The following NDUFAF2 variants were observed in gnomAD, a reference collection of about 807,000 sequenced individuals.
NDUFAF2 encodes NADH dehydrogenase [ubiquinone] 1 alpha subcomplex assembly factor 2.
NDUFAF2 carries 13 observed loss-of-function variants against 22.8 expected under a neutral mutation model. The observed-to-expected ratio is 0.57, with a 90% confidence interval of 0.37 to 0.91. The LOEUF (loss-of-function observed/expected upper bound fraction) is 0.91, where lower values mean the gene tolerates loss of function less well. Among genes scored for constraint, NDUFAF2 ranks in the 40% least tolerant of loss-of-function variants. NDUFAF2 has a pLI of 0.01. For synonymous variants in NDUFAF2, 53 were observed against 64.2 expected (o/e 0.83, Z 0.84); for missense variants, 162 against 195.2 (o/e 0.83, Z 1.01).
chr5:61,136,967 T>G (rs1740972125), intron 3 of NDUFAF2, among the ~76,000 whole-genome samples: 1 of 152,200 alleles, frequency 6.6e-6, no homozygotes, highest in Non-Finnish European at 1.5e-5. Flanking sequence ...AGAAACAAGC[T>G]TCATCTAAAT....
In NDUFAF2 at chr5:60,945,216, G is replaced by A. The variant is rs1439952002; in HGVS notation, c.-40G>A. On this transcript the variant is annotated 5_prime_UTR_variant, in exon 1 of 4. Coordinates refer to ENST00000296597, the MANE Select transcript of NDUFAF2 (RefSeq NM_174889.5). ...GCGGCTGGAGCATTACCCCTACTGC[G>A]GGTCCCGCTGCTGGCAGCGCTGGAA... 2.5e-6 allele frequency: 4 copies of A among 1,607,040 alleles called. No homozygotes were observed. Among genetic ancestry groups the A allele is most frequent in the Admixed American group, 3.4e-5 (2 of 59,106 alleles).
intron 1 of NDUFAF2, among the ~76,000 whole-genome samples, chr5:61,030,749 C>T (rs1160588866): frequency 1.3e-5 from 2 of 151,956 alleles, no homozygotes; most frequent in Admixed American, 1.3e-4. Context: ...CTTCTTTCTT[C>T]TTTCCTTTCT....
chr5:60,987,118 A>G (rs1351576121), intron 1 of NDUFAF2, among the ~76,000 whole-genome samples: 3 of 152,184 alleles, frequency 2.0e-5, no homozygotes, highest in African/African-American at 7.2e-5. Flanking sequence ...CCACAGAAAT[A>G]CAGATAACCA....
chr5:61,108,037 T>A (rs538488247), intron 3 of NDUFAF2, among the ~76,000 whole-genome samples: 1 of 150,892 alleles, frequency 6.6e-6, no homozygotes, highest in African/African-American at 2.5e-5. Context: ...AACTCATCAT[T>A]TTTTATGGCT....
At chr5:61,078,949 G>A (rs1752404250) in intron 2 of NDUFAF2, among the ~76,000 whole-genome samples, 1 of 151,830 alleles carries the variant, frequency 6.6e-6, no homozygotes, top group Non-Finnish European at 1.5e-5. Flanking sequence ...TATTTTTCTT[G>A]TTTTTGGTAA....
At chr5:61,103,167 C>T (rs1032036065) in intron 3 of NDUFAF2, among the ~76,000 whole-genome samples, 1 of 152,090 alleles carries the variant, frequency 6.6e-6, no homozygotes, top group African/African-American at 2.4e-5. Context: ...GGTCTAACAC[C>T]TTGGCATACT....
intron 1 of NDUFAF2, among the ~76,000 whole-genome samples, chr5:61,072,665 C>T (rs914828543): frequency 1.3e-5 from 2 of 152,096 alleles, no homozygotes; most frequent in Admixed American, 6.5e-5. Context: ...GGCTCGATCT[C>T]GGTTCACTGC....
At chr5:61,026,507 A>C (rs1326286611) in intron 1 of NDUFAF2, among the ~76,000 whole-genome samples, 2 of 152,148 alleles carry the variant, frequency 1.3e-5, no homozygotes, top group East Asian at 3.9e-4. Flanking sequence ...AGAAAGAATA[A>C]GATAGCTCTT....
chr5:61,141,289 T>C (rs2111825917), intron 3 of NDUFAF2, among the ~76,000 whole-genome samples: 1 of 152,228 alleles, frequency 6.6e-6, no homozygotes, highest in South Asian at 2.1e-4. Flanking sequence ...TTCTTCTGCA[T>C]TCTCATAACA....
intron 3 of NDUFAF2, among the ~76,000 whole-genome samples, chr5:61,111,556 C>T (rs911573917): frequency 8.5e-5 from 13 of 152,108 alleles, no homozygotes; most frequent in Non-Finnish European, 1.9e-4. Flanking sequence ...CCCACCTCAG[C>T]CCCCCAAGTA....
chr5:60,990,000 A>G (rs751781503), intron 1 of NDUFAF2, among the ~76,000 whole-genome samples: 5 of 152,222 alleles, frequency 3.3e-5, no homozygotes, highest in East Asian at 1.9e-4. Context: ...GTCATTTGCA[A>G]CAACGTAGAT....
chr5:61,043,695 GTGTGTGTA>G (rs1490522635), intron 1 of NDUFAF2, among the ~76,000 whole-genome samples: 4 of 146,976 alleles, frequency 2.7e-5, no homozygotes, highest in Admixed American at 6.7e-5. Context: ...GTGTGTGTGT[GTGTGTGTA>G]TGTGTGTGTG....
At chr5:61,148,982 A>AT (rs1741189113) in intron 3 of NDUFAF2, among the ~76,000 whole-genome samples, 1 of 152,084 alleles carries the variant, frequency 6.6e-6, no homozygotes, top group African/African-American at 2.4e-5. Context: ...TTATTCATTT[A>AT]TTTTTTGAGA....
intron 3 of NDUFAF2, chr5:61,114,865 CTTG>C (rs1240314803): frequency 1.3e-5 from 2 of 152,150 alleles, no homozygotes; most frequent in Non-Finnish European, 2.9e-5. Context: ...GGCAAAGGCT[CTTG>C]TTGTCTTCCC....
intron 1 of NDUFAF2, among the ~76,000 whole-genome samples, chr5:61,071,738 C>G (rs1752302426): frequency 6.6e-6 from 1 of 152,338 alleles, no homozygotes; most frequent in African/African-American, 2.4e-5. Context: ...TCATTCCTCA[C>G]TAATGACTTC....
intron 2 of NDUFAF2, among the ~76,000 whole-genome samples, chr5:61,084,531 G>A (rs560629377): frequency 2.6e-4 from 39 of 152,170 alleles, no homozygotes; most frequent in African/African-American, 9.2e-4. Flanking sequence ...CTATGAATCT[G>A]ACTACTCTAA....
chr5:61,060,822 T>A (rs1477095026), intron 1 of NDUFAF2, among the ~76,000 whole-genome samples: 2 of 152,210 alleles, frequency 1.3e-5, no homozygotes, highest in Non-Finnish European at 2.9e-5. Context: ...TACAGCTCTA[T>A]AGCCCTCTAC....
chr5:61,049,295 A>T (rs542529155), intron 1 of NDUFAF2, among the ~76,000 whole-genome samples: 116 of 152,240 alleles, frequency 7.6e-4, no homozygotes, highest in Admixed American at 2.2e-3. Context: ...AATCACAGGT[A>T]AAAGTTTTTA....
At chr5:61,140,113 T>C (rs1741028226) in intron 3 of NDUFAF2, among the ~76,000 whole-genome samples, 1 of 152,230 alleles carries the variant, frequency 6.6e-6, no homozygotes, top group Admixed American at 6.5e-5. Context: ...AGGTGGGCTG[T>C]CTCCTGCAGC....
Sources: gnomAD v4.1 joint callset for allele counts (sites outside exome capture counted in the v4.1 genomes callset) on GRCh38, gnomAD v4.1.1 for gene constraint, MANE v1.5 for transcripts, NCBI Gene and HGNC (gene_info 2026-07-23, HGNC 2026-07-21) for gene names.